Variants in BCL9 observed in about 807,000 individuals in gnomAD.
BCL9 encodes B-cell CLL/lymphoma 9 protein.
BCL9 carries 25 observed loss-of-function variants against 88.5 expected under a neutral mutation model. That is an observed-to-expected ratio of 0.28 (90% CI 0.21 to 0.39). The LOEUF (loss-of-function observed/expected upper bound fraction) is 0.39, where lower values mean the gene tolerates loss of function less well. BCL9 is among the 10% of genes least tolerant of loss of function. The pLI is 1.00. For missense variants in BCL9, 1,817 were observed against 1,877.8 expected (o/e 0.97, Z 0.60); for synonymous variants, 711 against 673.3 (o/e 1.06, Z -0.87).
At chr1:147,598,984 T>C (rs976527276) in intron 1 of BCL9, among the ~76,000 whole-genome samples, 4 of 152,226 alleles carry the variant, frequency 2.6e-5, no homozygotes, top group East Asian at 3.9e-4. Context: ...TCTAATGGGC[T>C]ACCCTCTCAC....
At position 147,620,264 on chromosome 1, in the gene BCL9, T is replaced by A; in HGVS notation, c.2109T>A (p.Pro703=). Residue 703 remains proline (P), a synonymous_variant, in exon 8 of 10, where the codon CCT becomes CCA. Coordinates refer to ENST00000234739, the MANE Select transcript of BCL9 (RefSeq NM_004326.4). ...FPKGIPPQMG[P]GRELEFGMVP... ...AAGGAATTCCCCCACAGATGGGCCCTGGTCGGGAACTTGAGTTTGGGATGG... is the reference window on the plus strand; with the variant it reads ...AAGGAATTCCCCCACAGATGGGCCCAGGTCGGGAACTTGAGTTTGGGATGG... 1 of 1,614,128 alleles carries A rather than the reference T, an allele frequency of 6.2e-7. No individual in the cohort carries two copies.
chr1:147,603,103 C>G (rs1045407801), intron 1 of BCL9, among the ~76,000 whole-genome samples: 6 of 152,204 alleles, frequency 3.9e-5, no homozygotes, highest in Admixed American at 2.6e-4. Flanking sequence ...CCAACTCTTC[C>G]AATTTCTGTA....
In BCL9 at chr1:147,614,481, C is replaced by T. The variant is rs1557855871; in HGVS notation, c.425C>T (p.Ser142Leu). The T allele has an allele frequency of 3.1e-6, 5 of 1,614,086 alleles. No homozygotes were observed. Among genetic ancestry groups the T allele is most frequent in the South Asian group, 1.1e-5 (1 of 91,072 alleles). Residue 142 changes from serine to leucine, a missense_variant, in exon 6 of 10, where the codon TCG (serine) becomes TTG (leucine). By Grantham distance (145) the Ser-to-Leu change is moderately radical. Coordinates refer to ENST00000234739, the MANE Select transcript of BCL9 (RefSeq NM_004326.4). ...KSQDSQHTPHSMTPSNATAPR... is the reference protein window; with the variant it reads ...KSQDSQHTPHLMTPSNATAPR... ...CAGGATTCCCAGCACACACCACACTCGATGACCCCATCAAATGCTACAGCC... is the reference window on the plus strand; with the variant it reads ...CAGGATTCCCAGCACACACCACACTTGATGACCCCATCAAATGCTACAGCC...
Position 147,625,219 on chromosome 1 carries a change from C to A in BCL9, c.*260C>A. On this transcript the variant is annotated 3_prime_UTR_variant, in exon 10 of 10. Coordinates refer to ENST00000234739, the MANE Select transcript of BCL9 (RefSeq NM_004326.4). ...GTGGACTTGGGTATCAATGATGGCACCTACTTTTGGGAATCTGTAGCTGTG... is the reference window on the plus strand; with the variant it reads ...GTGGACTTGGGTATCAATGATGGCAACTACTTTTGGGAATCTGTAGCTGTG... 2.4e-6 allele frequency: 1 copy of A among 418,892 alleles called. No individual in the cohort carries two copies. The allele number at this position is 418,892 out of a possible 1,614,324, so 25.9% of individuals were successfully genotyped here. A position where few individuals can be genotyped will look rare whatever the true frequency, so the allele number is the denominator to read the frequency against.
intron 1 of BCL9, among the ~76,000 whole-genome samples, chr1:147,555,215 T>C (rs903688497): frequency 6.6e-6 from 1 of 152,134 alleles, no homozygotes; most frequent in African/African-American, 2.4e-5. Context: ...GAGTCAAACT[T>C]ATGCTATCAT....
rs143333817 is a variant in BCL9 at position 147,555,803 on chromosome 1, A to G, written c.-478+14129A>G. ...ATGATGTTTTGTGGTTGGCTCTCTCATGCCTAAGTTGATAGCACATTTTTT... is the reference window on the plus strand; with the variant it reads ...ATGATGTTTTGTGGTTGGCTCTCTCGTGCCTAAGTTGATAGCACATTTTTT... On this transcript the variant is annotated intron_variant, in intron 1 of 9. Coordinates refer to ENST00000234739, the MANE Select transcript of BCL9 (RefSeq NM_004326.4). Among the ~76,000 whole-genome samples the G allele has an allele frequency of 7.2e-3, 1,095 of 152,348 alleles. 12 individuals are homozygous for G. Among genetic ancestry groups the G allele is most frequent in the Non-Finnish European group, 0.012 (806 of 68,028 alleles).
chr1:147,619,832 G>T lies in BCL9; in HGVS notation c.1677G>T (p.Gln559His). 6.2e-7 allele frequency: 1 copy of T among 1,614,198 alleles called. No homozygotes were observed. Among genetic ancestry groups the T allele is most frequent in the Admixed American group, 1.7e-5 (1 of 60,032 alleles). ...MAPHPNMPGS[Q>H]MRLPGFAGMI... ...CCCACCCCAACATGCCAGGGAGCCA[G>T]ATGCGCCTCCCTGGATTTGCAGGCA... Residue 559 changes from glutamine (Q) to histidine (H), a missense_variant, in exon 8 of 10, where the codon CAG (glutamine) becomes CAT (histidine). By Grantham distance (24) the Gln-to-His change is conservative. Transcript: ENST00000234739. This position sits in a 1 kb window ranked among gnomAD's most constrained non-coding sequence, Gnocchi z 4.1.
chr1:147,614,664 C>G, intron 6 of BCL9, 48 bp downstream of exon 6: 1 of 1,507,448 alleles, frequency 6.6e-7, no homozygotes. Flanking sequence ...TGTCTGGGGA[C>G]CTAAATTCTT....
At position 147,611,781 on chromosome 1, in the gene BCL9, G is replaced by C. The variant is rs1016230475; in HGVS notation, c.-56G>C. ...CCAGCAGCTGTTTCTGCTGCAACCC[G>C]AGAGGAACTCGGTGAGCCTGTCCCG... is the stretch of plus-strand genomic sequence containing the variant. On this transcript the variant is annotated 5_prime_UTR_variant, in exon 4 of 10. Coordinates refer to ENST00000234739, the MANE Select transcript of BCL9 (RefSeq NM_004326.4). The C allele has an allele frequency of 3.8e-6, 6 of 1,573,334 alleles. No individual in the cohort carries two copies. In the East Asian group the frequency reaches 6.7e-5, roughly 18 times the overall value.
intron 1 of BCL9, among the ~76,000 whole-genome samples, chr1:147,550,201 T>A (rs1553194671): frequency 6.6e-6 from 1 of 152,184 alleles, no homozygotes; most frequent in Non-Finnish European, 1.5e-5. Flanking sequence ...TAGTCTAGGA[T>A]GTTGTGGTAA....
chr1:147,584,313 C>T (rs1656501311), intron 1 of BCL9, among the ~76,000 whole-genome samples: 1 of 152,158 alleles, frequency 6.6e-6, no homozygotes, highest in African/African-American at 2.4e-5. Context: ...TCCCAAAGTG[C>T]TGGGATTACA....
In BCL9 at chr1:147,625,439, C is replaced by G. The variant is rs1454417328; in HGVS notation, c.*480C>G. ...TTGGGGCAAGAGGAGAACAGGAATG[C>G]TGGGCTGTTTACTTTAGGTGGAGAA... is the stretch of plus-strand genomic sequence containing the variant. On this transcript the variant is annotated 3_prime_UTR_variant, in exon 10 of 10. Coordinates refer to ENST00000234739, the MANE Select transcript of BCL9 (RefSeq NM_004326.4). 1 of 229,246 alleles carries G rather than the reference C, an allele frequency of 4.4e-6. No homozygotes were observed. Among genetic ancestry groups the G allele is most frequent in the Non-Finnish European group, 8.7e-6 (1 of 115,536 alleles). The allele number at this position is 229,246 out of a possible 1,614,324, so 14.2% of individuals were successfully genotyped here.
chr1:147,591,469 T>C (rs1656841973), intron 1 of BCL9, among the ~76,000 whole-genome samples: 1 of 152,182 alleles, frequency 6.6e-6, no homozygotes, highest in African/African-American at 2.4e-5. Context: ...AGTATCTGGC[T>C]CCTCAACTGC....
chr1:147,594,403 A>G (rs1553200283), intron 1 of BCL9, among the ~76,000 whole-genome samples: 1 of 152,240 alleles, frequency 6.6e-6, no homozygotes. Flanking sequence ...TAGGGAATTC[A>G]GAAGTGAGAC....
chr1:147,623,737 A>C (rs1395468361), intron 9 of BCL9, 105 bp from the exon 10 acceptor site: 1 of 1,298,882 alleles, frequency 7.7e-7, no homozygotes, highest in Non-Finnish European at 1.1e-6. Context: ...TCCCAGCATT[A>C]TACTATGCAC....
intron 1 of BCL9, among the ~76,000 whole-genome samples, chr1:147,551,713 A>G (rs966445606): frequency 6.6e-6 from 1 of 152,084 alleles, no homozygotes; most frequent in Non-Finnish European, 1.5e-5. Flanking sequence ...CCACATGTTC[A>G]CTCACCATGT....
intron 1 of BCL9, among the ~76,000 whole-genome samples, chr1:147,587,324 C>T (rs1350957807): frequency 1.3e-5 from 2 of 152,108 alleles, no homozygotes; most frequent in South Asian, 2.1e-4. Flanking sequence ...GAGGACCTAG[C>T]CCGGAGTCCA....
At position 147,588,730 on chromosome 1, in the gene BCL9, G is replaced by A. The variant is rs377727700; in HGVS notation, c.-477-16047G>A. Among the ~76,000 whole-genome samples the A allele has an allele frequency of 1.1e-4, 17 of 152,320 alleles. No homozygotes were observed. In the South Asian group the frequency reaches 2.7e-3, roughly 24 times the overall value. On this transcript the variant is annotated intron_variant, in intron 1 of 9. Coordinates refer to ENST00000234739, the MANE Select transcript of BCL9 (RefSeq NM_004326.4). The stretch of plus-strand genomic sequence containing the variant: ...GAAGTCAATATTGGGACCAAAGAGC[G>A]TGATTCTAGGGGTGGTCCAGCATCA...
At chr1:147,541,836 G>A (rs587594965) in intron 1 of BCL9, among the ~76,000 whole-genome samples, 162 bp downstream of exon 1, 18 of 151,718 alleles carry the variant, frequency 1.2e-4, no homozygotes, top group African/African-American at 4.1e-4. Flanking sequence ...ACTGGGGATG[G>A]CCCCTCTTTC....
Sources: allele counts gnomAD v4.1 joint callset (sites outside exome capture counted in the v4.1 genomes callset), GRCh38; gene constraint gnomAD v4.1.1; non-coding constraint Gnocchi (gnomAD v3.1); transcripts MANE v1.5; gene names NCBI Gene and HGNC (gene_info 2026-07-23, HGNC 2026-07-21).